Variants in PTPRN2 observed in about 807,000 individuals in gnomAD.
PTPRN2 encodes the protein protein tyrosine phosphatase receptor type N2, also known as receptor-type tyrosine-protein phosphatase N2.
PTPRN2 carries 74 observed loss-of-function variants against 118.8 expected under a neutral mutation model. The observed-to-expected ratio is 0.62, with a 90% CI of 0.52 to 0.76. The LOEUF (loss-of-function observed/expected upper bound fraction) is 0.76. PTPRN2 is among the 30% of genes least tolerant of loss of function. The probability of loss-of-function intolerance (pLI) is 0.00; values close to 1 mark genes in which losing one functional copy is unlikely to be tolerated. For missense variants in PTPRN2, 1,481 were observed against 1,394.4 expected, an observed-to-expected ratio of 1.06 and a Z score of -0.99; for synonymous variants, 641 against 608.0, an observed-to-expected ratio of 1.05 and a Z score of -0.80.
chr7:157,714,943 G>C (rs1401658103), intron 12 of PTPRN2, among the ~76,000 whole-genome samples: 3 of 151,878 alleles, frequency 2.0e-5, no homozygotes, highest in Non-Finnish European at 4.4e-5. Flanking sequence ...AATGTATTCT[G>C]GGTCTCCCGC....
chr7:157,959,558 G>A (rs984467173), intron 11 of PTPRN2, among the ~76,000 whole-genome samples: 1 of 152,154 alleles, frequency 6.6e-6, no homozygotes, highest in African/African-American at 2.4e-5. Flanking sequence ...CAAAGACGAC[G>A]TGCAGATGGA....
chr7:157,614,323 T>G (rs1288996273), intron 15 of PTPRN2, among the ~76,000 whole-genome samples: 1 of 152,018 alleles, frequency 6.6e-6, no homozygotes, highest in African/African-American at 2.4e-5. Flanking sequence ...CAGGTGAGCT[T>G]CTCGTGGGCT....
intron 6 of PTPRN2, among the ~76,000 whole-genome samples, chr7:158,142,034 T>G (rs1054772397): frequency 3.9e-5 from 6 of 152,194 alleles, no homozygotes; most frequent in Non-Finnish European, 7.3e-5. Context: ...CAGTGGCGGC[T>G]TCTTTACCTT....
intron 3 of PTPRN2, among the ~76,000 whole-genome samples, chr7:158,211,013 G>A (rs10240498): frequency 0.26 from 38,890 of 151,850 alleles, 5,675 homozygotes; most frequent in African/African-American, 0.39. Flanking sequence ...AAAACTTCAC[G>A]CCAATATCCC....
intron 7 of PTPRN2, 38 bp downstream of exon 7, chr7:158,138,256 G>T (rs773801265): frequency 1.1e-5 from 18 of 1,591,056 alleles, no homozygotes; most frequent in Non-Finnish European, 1.5e-5. Flanking sequence ...CCTCCCCGCA[G>T]CACCCCTGGG....
chr7:157,594,216 C>T (rs1801153937), intron 17 of PTPRN2, among the ~76,000 whole-genome samples: 1 of 152,236 alleles, frequency 6.6e-6, no homozygotes, highest in African/African-American at 2.4e-5. Context: ...AGGAGGCTCC[C>T]CTTCCTGTAA....
At chr7:157,982,727 C>T (rs1407128901) in intron 11 of PTPRN2, among the ~76,000 whole-genome samples, 1 of 133,222 alleles carries the variant, frequency 7.5e-6, no homozygotes, top group African/African-American at 2.9e-5. Context: ...CCCTAAACCC[C>T]GAGTCACAGA....
In PTPRN2 at chr7:158,267,566, T is replaced by C. The variant is rs573508518; in HGVS notation, c.277+49253A>G. ...CTCAAGGAGGTGGCAGTGGGAACCC[T>C]TACACGGGGGTGACTGAGCATCTGA... On this transcript the variant is annotated intron_variant, in intron 3 of 22. Transcript: ENST00000389418. Among the ~76,000 whole-genome samples the C allele has an allele frequency of 2.6e-5, 4 of 152,204 alleles. No individual in the cohort carries two copies. The South Asian group carries it at 8.3e-4, about 32-fold the overall frequency.
intron 12 of PTPRN2, among the ~76,000 whole-genome samples, chr7:157,812,597 C>CT (rs755224428): frequency 1.3e-5 from 2 of 152,198 alleles, no homozygotes; most frequent in South Asian, 2.1e-4. Flanking sequence ...ACCAGAAACT[C>CT]TATGTCAGCT....
intron 2 of PTPRN2, among the ~76,000 whole-genome samples, chr7:158,372,561 GCTGGTCCCTGGAGCTGGTCCCCCCAACA>G (rs1810144483): frequency 6.7e-6 from 1 of 149,994 alleles, no homozygotes; most frequent in Non-Finnish European, 1.5e-5. Context: ...TCTCCCCTGT[GCTGGTCCCTGGAGCTGGTCCCCCCAACA>G]CTGGTCCCTA....
chr7:157,576,862 C>G lies in PTPRN2; in HGVS notation c.2617-83G>C, dbSNP rs1348511242. On this transcript the variant is annotated intron_variant, in intron 18 of 22. Coordinates refer to ENST00000389418, the MANE Select transcript of PTPRN2 (RefSeq NM_002847.5). ...CCTCAGGCACTGAGGAACCCAGGGC[C>G]ACGTCTGACCAGAGAAGGGGGCGCT... The G allele has an allele frequency of 2.2e-6, 3 of 1,363,564 alleles. No individual in the cohort carries two copies. In the East Asian group the frequency reaches 7.6e-5, roughly 35 times the overall value. The allele number at this position is 1,363,564 out of a possible 1,614,324, so 84.5% of individuals were successfully genotyped here.
rs1437743293 is a variant in PTPRN2 at position 157,862,512 on chromosome 7, C to A, written c.1788+36161G>T. The A allele has an allele frequency of 1.3e-5, 2 of 152,250 alleles. 1 individual carries two copies. Among genetic ancestry groups the A allele is most frequent in the Admixed American group, 1.3e-4 (2 of 15,290 alleles). 9.4% of individuals were successfully genotyped at this position (152,250 alleles called of 1,614,324 possible). A position where few individuals can be genotyped will look rare whatever the true frequency, so the allele number is the denominator to read the frequency against. On this transcript the variant is annotated intron_variant, in intron 12 of 22. Transcript: ENST00000389418. ...TACTAACTGGGGTCAGGATCCATGACTTTTTAACATTGATATTCATCTCTC... is the reference window on the plus strand; with the variant it reads ...TACTAACTGGGGTCAGGATCCATGAATTTTTAACATTGATATTCATCTCTC...
At chr7:157,630,326 G>A (rs1211789910) in intron 14 of PTPRN2, among the ~76,000 whole-genome samples, 2 of 152,188 alleles carry the variant, frequency 1.3e-5, no homozygotes, top group Non-Finnish European at 2.9e-5. Flanking sequence ...AACAGATAAT[G>A]GTTAAAGGAT....
intron 2 of PTPRN2, among the ~76,000 whole-genome samples, chr7:158,351,652 C>G (rs1029851875): frequency 1.3e-5 from 2 of 152,158 alleles, no homozygotes; most frequent in African/African-American, 4.8e-5. Context: ...GAGAGTGCAA[C>G]TCAACAACTC....
intron 14 of PTPRN2, among the ~76,000 whole-genome samples, chr7:157,626,253 C>T (rs566481729): frequency 1.6e-4 from 25 of 152,218 alleles, no homozygotes; most frequent in South Asian, 1.5e-3. Flanking sequence ...ACCAGGTTGG[C>T]GTTTCTGGTG....
chr7:158,146,864 A>C (rs1304798205), intron 6 of PTPRN2, among the ~76,000 whole-genome samples: 1 of 152,128 alleles, frequency 6.6e-6, no homozygotes, highest in East Asian at 1.9e-4. Flanking sequence ...GGATAGAACA[A>C]GCAAACAGTT....
At chr7:158,340,167 C>T (rs1280743262) in intron 2 of PTPRN2, among the ~76,000 whole-genome samples, 3 of 65,508 alleles carry the variant, frequency 4.6e-5, no homozygotes, top group African/African-American at 1.7e-4. Context: ...ACCATAAGAC[C>T]TGACACTCGC....
intron 2 of PTPRN2, among the ~76,000 whole-genome samples, chr7:158,468,647 T>A (rs1255757876): frequency 6.6e-6 from 1 of 152,192 alleles, no homozygotes; most frequent in Non-Finnish European, 1.5e-5. Context: ...GTGGCTTGAA[T>A]AGAGAGGGGT....
chr7:158,412,681 A>T (rs1291523805), intron 2 of PTPRN2, among the ~76,000 whole-genome samples: 8 of 59,742 alleles, frequency 1.3e-4, no homozygotes, highest in African/African-American at 2.1e-4. Context: ...CCTCCTCAGC[A>T]CCAGGGCCCA....
Sources: allele counts gnomAD v4.1 joint callset (sites outside exome capture counted in the v4.1 genomes callset), GRCh38; gene constraint gnomAD v4.1.1; transcripts MANE v1.5; gene names NCBI Gene and HGNC (gene_info 2026-07-23, HGNC 2026-07-21).